Variants in DDB1 observed in about 807,000 individuals in gnomAD.
DDB1 encodes the protein DNA damage-binding protein 1.
DDB1 carries 18 observed loss-of-function variants against 133.1 expected under a neutral mutation model. That is an observed-to-expected ratio of 0.14 (90% CI 0.09 to 0.20). The LOEUF is 0.20. Ranked by LOEUF, DDB1 falls within the 10% of genes least tolerant of loss-of-function variation. The pLI, the probability that DDB1 is intolerant of heterozygous loss-of-function variation, is 1.00. For missense variants in DDB1, 828 were observed against 1,459.2 expected (o/e 0.57, Z 7.05); for synonymous variants, 580 against 550.5 (o/e 1.05, Z -0.75).
chr11:61,316,623 T>G, intron 10 of DDB1, 56 bp from the exon 11 acceptor site: 1 of 1,574,360 alleles, frequency 6.4e-7, no homozygotes, highest in Non-Finnish European at 8.7e-7. Flanking sequence ...TTAGCATGCA[T>G]ATCTACGGAC....
Position 61,300,936 on chromosome 11 carries a change from G to A in DDB1, c.3216-4C>T. The A allele has an allele frequency of 6.2e-7, 1 of 1,614,144 alleles. No individual in the cohort carries two copies. The highest frequency in any genetic ancestry group is 8.5e-7 in the Non-Finnish European group (1 of 1,180,024). ...CTCGGTGTGAAAGGATCTCCAGGTG[G>A]ATGGGTGAGTTAAGGAACACGTGCT... is the stretch of plus-strand genomic sequence containing the variant. On this transcript the variant is annotated splice_polypyrimidine_tract_variant and splice_region_variant and intron_variant, in intron 25 of 26. Transcript: ENST00000301764.
chr11:61,330,191 G>C, intron 2 of DDB1, 117 bp from the exon 3 acceptor site: 1 of 741,486 alleles, frequency 1.3e-6, no homozygotes, highest in Non-Finnish European at 2.2e-6. Context: ...TCCCTAAAGA[G>C]AAAATACATG....
In DDB1 at chr11:61,300,869, C is replaced by T; in HGVS notation, c.3279G>A (p.Leu1093=). ...EPATGFIDGD[L]IESFLDISRP... is the part of the protein sequence containing the mutation. ...GGCTAATATCCAGGAAACTCTCAAT[C>T]AAGTCACCGTCGATGAAACCTGTGG... The change falls in exon 26 of 27, where the codon TTG becomes TTA. Residue 1093 remains leucine (L), a synonymous_variant. Coordinates refer to ENST00000301764, the MANE Select transcript of DDB1 (RefSeq NM_001923.5). 2 of 1,614,180 alleles carry T rather than the reference C, an allele frequency of 1.2e-6. No homozygotes were observed. Among genetic ancestry groups the T allele is most frequent in the African/African-American group, 1.3e-5 (1 of 75,038 alleles).
At position 61,324,008 on chromosome 11, in the gene DDB1, T is replaced by C. The variant is rs781342325; in HGVS notation, c.892A>G (p.Lys298Glu). ...EEQMDGTVTL[K>E]DLRVELLGET... ...CCAAGGAGTTCTACACGGAGATCCT[T>C]GAGAGTGACGGTGCCATCCATCTGT... Residue 298 changes from lysine to glutamate, a missense_variant, in exon 7 of 27, where the codon AAG becomes GAG. Lys to Glu is a moderately conservative substitution (Grantham distance 56). Transcript: ENST00000301764. The C allele has an allele frequency of 6.2e-7, 1 of 1,613,936 alleles. No homozygotes were observed. The highest frequency in any genetic ancestry group is 8.5e-7 in the Non-Finnish European group (1 of 1,179,996).
intron 14 of DDB1, 24 bp downstream of exon 14, chr11:61,314,023 C>T (rs1214351709): frequency 1.9e-6 from 3 of 1,613,952 alleles, no homozygotes; most frequent in Non-Finnish European, 2.5e-6. Context: ...TCTGTCCCAA[C>T]CCAGGTCCCT....
In DDB1 at chr11:61,325,674, T is replaced by G. The variant is rs995994372; in HGVS notation, c.699A>C (p.Gly233=). The G allele has an allele frequency of 6.2e-7, 1 of 1,613,610 alleles. No homozygotes were observed. Among genetic ancestry groups the G allele is most frequent in the Non-Finnish European group, 8.5e-7 (1 of 1,179,806 alleles). ...PEPFGGAIII[G]QESITYHNGD... is the part of the protein sequence containing the mutation. ...CATTGTGATAGGTGATTGACTCCTG[T>G]CCAATGATGATGGCCCCCCCAAAGG... Residue 233 remains glycine, a synonymous_variant, in exon 6 of 27, where the codon GGA becomes GGC. Transcript: ENST00000301764.
chr11:61,300,776 G>C, intron 26 of DDB1, 33 bp downstream of exon 26: 1 of 1,613,242 alleles, frequency 6.2e-7, no homozygotes, highest in Non-Finnish European at 8.5e-7. Context: ...CAGTGGACTT[G>C]TCTGGCCCAG....
Position 61,329,400 on chromosome 11 carries a change from T to C in DDB1, c.512A>G (p.Tyr171Cys), listed in dbSNP as rs930007745. The change falls in exon 4 of 27, where the codon TAT becomes TGT. Residue 171 changes from tyrosine (Y) to cysteine (C), a missense_variant. Physicochemically the swap from Tyr to Cys is radical, Grantham distance 194. Transcript: ENST00000301764. ...GCAAATAGTAGGTGCTTGGCAACCATATAGGAACTTGACATCAATGACATG... is the reference window on the plus strand; with the variant it reads ...GCAAATAGTAGGTGCTTGGCAACCACATAGGAACTTGACATCAATGACATG... ...ELHVIDVKFL[Y>C]GCQAPTICFV... 1.9e-6 allele frequency: 3 copies of C among 1,614,062 alleles called. No individual in the cohort carries two copies. Among genetic ancestry groups the C allele is most frequent in the African/African-American group, 1.3e-5 (1 of 74,924 alleles).
At position 61,304,039 on chromosome 11, in the gene DDB1, G is replaced by A. The variant is rs766529584; in HGVS notation, c.2662-4C>T. 5 of 1,613,670 alleles carry A rather than the reference G, an allele frequency of 3.1e-6. No individual in the cohort carries two copies. Among genetic ancestry groups the A allele is most frequent in the Non-Finnish European group, 4.2e-6 (5 of 1,179,998 alleles). Reference sequence around the variant, plus strand: ...TTGTCCACTCATAGAGCCGCACCTGGGAAGGGCATTGTCTCTCTCAGCCAA... The same window carrying A: ...TTGTCCACTCATAGAGCCGCACCTGAGAAGGGCATTGTCTCTCTCAGCCAA... On this transcript the variant is annotated splice_region_variant and splice_polypyrimidine_tract_variant and intron_variant, in intron 21 of 26. Coordinates refer to ENST00000301764, the MANE Select transcript of DDB1 (RefSeq NM_001923.5).
intron 26 of DDB1, 93 bp downstream of exon 26, chr11:61,300,716 A>T (rs1855779645): frequency 6.4e-7 from 1 of 1,553,148 alleles, no homozygotes; most frequent in Admixed American, 1.8e-5. Flanking sequence ...GCATCTTGGA[A>T]CTGAGGAGGA....
chr11:61,318,108 A>G (rs542942205), intron 10 of DDB1, among the ~76,000 whole-genome samples: 29 of 152,348 alleles, frequency 1.9e-4, no homozygotes, highest in African/African-American at 7.0e-4. Context: ...TCTATCATGC[A>G]CTATTTGGCA....
intron 25 of DDB1, 158 bp downstream of exon 25, chr11:61,302,099 A>T: frequency 1.6e-6 from 1 of 628,170 alleles, no homozygotes. Flanking sequence ...TATGTTTGAA[A>T]TTTTCCACAT....
intron 16 of DDB1, among the ~76,000 whole-genome samples, chr11:61,312,727 T>C (rs2134910050): frequency 6.6e-6 from 1 of 152,122 alleles, no homozygotes; most frequent in Non-Finnish European, 1.5e-5. Context: ...GCCTCCTGAG[T>C]AGCTGGGATT....
At chr11:61,312,304 T>C (rs936444001) in intron 16 of DDB1, among the ~76,000 whole-genome samples, 1 of 152,152 alleles carries the variant, frequency 6.6e-6, no homozygotes, top group Non-Finnish European at 1.5e-5. Flanking sequence ...TTTTAACAGC[T>C]TTCCATTTAA....
intron 10 of DDB1, among the ~76,000 whole-genome samples, chr11:61,319,485 G>A (rs1159992045): frequency 6.6e-6 from 1 of 151,468 alleles, no homozygotes; most frequent in African/African-American, 2.4e-5. Flanking sequence ...AGGCTGGAGT[G>A]CAGTGGCACG....
At position 61,314,101 on chromosome 11, in the gene DDB1, G is replaced by A. The variant is rs1011868707; in HGVS notation, c.1699C>T (p.Arg567Cys). The change falls in exon 14 of 27, where the codon CGT (arginine) becomes TGT (cysteine). Residue 567 changes from arginine to cysteine, a missense_variant. Around this residue, in one of 7 missense-constraint regions of DDB1, gnomAD observed 396 missense variants for 554.1 expected, o/e 0.71. Transcript: ENST00000301764. ...AIGLWTDISA[R>C]ILKLPSFELL... ...TCAAAAGAGGGCAACTTCAAGATACGAGCCGAGATGTCCGTCCAGAGGCCA... is the reference window on the plus strand; with the variant it reads ...TCAAAAGAGGGCAACTTCAAGATACAAGCCGAGATGTCCGTCCAGAGGCCA... The A allele has an allele frequency of 4.3e-6, 7 of 1,614,098 alleles. No homozygotes were observed. Among genetic ancestry groups the A allele is most frequent in the South Asian group, 2.2e-5 (2 of 91,070 alleles).
chr11:61,328,033 C>G (rs554428986), intron 4 of DDB1, among the ~76,000 whole-genome samples: 12 of 152,300 alleles, frequency 7.9e-5, no homozygotes, highest in African/African-American at 2.9e-4. Flanking sequence ...TGGATTTGGG[C>G]CTCTGAGACA....
At chr11:61,328,319 A>C (rs1413766476) in intron 4 of DDB1, among the ~76,000 whole-genome samples, 1 of 152,242 alleles carries the variant, frequency 6.6e-6, no homozygotes, top group Non-Finnish European at 1.5e-5. Context: ...AACATATAAC[A>C]AGGCTATCAA....
At chr11:61,305,958 A>G (rs1855875300) in intron 21 of DDB1, among the ~76,000 whole-genome samples, 1 of 152,240 alleles carries the variant, frequency 6.6e-6, no homozygotes, top group Non-Finnish European at 1.5e-5. Context: ...TACTGATTAC[A>G]TGTGGAAATG....
Sources: gnomAD v4.1 joint callset for allele counts (sites outside exome capture counted in the v4.1 genomes callset) on GRCh38, gnomAD v4.1.1 for gene constraint, gnomAD v4.1.1 regional missense constraint, MANE v1.5 for transcripts, NCBI Gene and HGNC (gene_info 2026-07-23, HGNC 2026-07-21) for gene names.